Variants in PKHD1L1 observed in about 807,000 individuals in gnomAD.
PKHD1L1 encodes fibrocystin-L.
Under a neutral mutation model 462.9 loss-of-function variants are expected in PKHD1L1, and 434 were observed. That is an observed-to-expected ratio of 0.94 (90% confidence interval 0.87 to 1.02). The LOEUF (loss-of-function observed/expected upper bound fraction) is 1.02, where lower values mean the gene tolerates loss of function less well. Ranked by LOEUF, PKHD1L1 falls within the 50% of genes least tolerant of loss-of-function variation. The pLI, the probability that PKHD1L1 is intolerant of heterozygous loss-of-function variation, is 0.00. For synonymous variants in PKHD1L1, 1,781 were observed against 1,750.0 expected, an observed-to-expected ratio of 1.02 and a Z score of -0.44; for missense variants, 5,202 against 5,096.1, an observed-to-expected ratio of 1.02 and a Z score of -0.63.
intron 57 of PKHD1L1, 42 bp downstream of exon 57, chr8:109,483,147 T>C (rs1818355058): frequency 1.4e-6 from 2 of 1,390,578 alleles, no homozygotes; most frequent in East Asian, 5.3e-5. Flanking sequence ...ATATACACAG[T>C]GGGTCAGCTG....
rs780102395 is a variant in PKHD1L1 at position 109,382,509 on chromosome 8, G to A, written c.355G>A (p.Val119Ile). 3 of 1,612,508 alleles carry A rather than the reference G, an allele frequency of 1.9e-6. No individual in the cohort carries two copies. The highest frequency in any genetic ancestry group is 2.5e-6 in the Non-Finnish European group (3 of 1,179,106). The change falls in exon 4 of 78, where the codon GTT becomes ATT. Residue 119 changes from valine (V) to isoleucine (I), a missense_variant. Around this residue, in one of 3 missense-constraint regions of PKHD1L1, gnomAD observed 4,497 missense variants for 4,336.8 expected, o/e 1.04. Coordinates refer to ENST00000378402, the MANE Select transcript of PKHD1L1 (RefSeq NM_177531.6). ...CACTGTTAGAGTCAGTGTGGACGGGGTTCCTGTTACGGAAAATAACACCTG... is the reference window on the plus strand; with the variant it reads ...CACTGTTAGAGTCAGTGTGGACGGGATTCCTGTTACGGAAAATAACACCTG... ...SYTVRVSVDG[V>I]PVTENNTCKG...
chr8:109,413,477 CCAAGA>C lies in PKHD1L1; in HGVS notation c.2296_2300del (p.Asp766Ter). ...ATTATATTGGTCTAAAATTTCAGTA[CCAAGA>C]CAATAGCAAGATTACTAGAAGCACT... is the stretch of plus-strand genomic sequence containing the variant. On this transcript the variant is annotated frameshift_variant, in exon 21 of 78. Coordinates refer to ENST00000378402, the MANE Select transcript of PKHD1L1 (RefSeq NM_177531.6). LOFTEE classifies it high-confidence loss of function. The C allele has an allele frequency of 6.3e-7, 1 of 1,579,314 alleles. No homozygotes were observed. Among genetic ancestry groups the C allele is most frequent in the Non-Finnish European group, 8.6e-7 (1 of 1,161,052 alleles).
intron 55 of PKHD1L1, chr8:109,480,663 T>A (rs1818232495): frequency 2.2e-6 from 1 of 451,856 alleles, no homozygotes; most frequent in Non-Finnish European, 4.4e-6. Context: ...GATTGTCCTG[T>A]CAGTCTTGTA....
intron 2 of PKHD1L1, among the ~76,000 whole-genome samples, chr8:109,379,120 C>T (rs993547601): frequency 2.6e-5 from 4 of 152,138 alleles, no homozygotes; most frequent in African/African-American, 7.2e-5. Context: ...TGCTGAATAC[C>T]GGAACTGCCA....
intron 49 of PKHD1L1, 114 bp from the exon 50 acceptor site, chr8:109,466,454 ACAAAACTACC>A (rs1343281979): frequency 3.0e-6 from 3 of 1,012,186 alleles, no homozygotes; most frequent in Non-Finnish European, 2.7e-6. Context: ...AAGCAAACAA[ACAAAACTACC>A]CAGACTTTTA....
chr8:109,398,734 C>T (rs1813101753), intron 12 of PKHD1L1, among the ~76,000 whole-genome samples, 186 bp downstream of exon 12: 1 of 152,056 alleles, frequency 6.6e-6, no homozygotes, highest in Admixed American at 6.6e-5. Flanking sequence ...TGCCACAAAG[C>T]TGTACCTATG....
chr8:109,466,051 A>G (rs1817423773), intron 49 of PKHD1L1, among the ~76,000 whole-genome samples: 1 of 152,220 alleles, frequency 6.6e-6, no homozygotes, highest in Non-Finnish European at 1.5e-5. Context: ...GAAGGATGAA[A>G]GAAGATTCAT....
At chr8:109,524,825 C>CT (rs1820734095) in intron 76 of PKHD1L1, among the ~76,000 whole-genome samples, 1 of 149,418 alleles carries the variant, frequency 6.7e-6, no homozygotes, top group African/African-American at 2.5e-5. Flanking sequence ...TCCTTCCTTC[C>CT]TCCCTCCCTC....
At chr8:109,470,272 G>A (rs1186540024) in intron 50 of PKHD1L1, 1 of 1,442,594 alleles carries the variant, frequency 6.9e-7, no homozygotes, top group Admixed American at 1.7e-5. Flanking sequence ...CTGTGATCTG[G>A]AGTGTAGCCA....
At position 109,389,093 on chromosome 8, in the gene PKHD1L1, T is replaced by C. The variant is rs761623387; in HGVS notation, c.638T>C (p.Leu213Pro). 3 of 1,608,200 alleles carry C rather than the reference T, an allele frequency of 1.9e-6. No homozygotes were observed. In the African/African-American group the frequency reaches 4.0e-5, roughly 22 times the overall value. The change falls in exon 8 of 78, where the codon CTG (leucine) becomes CCG (proline). Residue 213 changes from leucine (L) to proline (P), a missense_variant. Physicochemically the swap from Leu to Pro is moderately conservative, Grantham distance 98. This residue lies in a region of PKHD1L1 where 4,497 missense variants were observed against 4,336.8 expected (regional missense o/e 1.04). Transcript: ENST00000378402. ...PQSDNLYGLK[L>P]DHPNGDMGSM... is the part of the protein sequence containing the mutation. ...TTTTTAATTAGATATGGTCTAAAAC[T>C]GGATCATCCAAATGGAGATATGGGT...
chr8:109,510,029 A>G (rs1402145367), intron 70 of PKHD1L1, among the ~76,000 whole-genome samples: 3 of 152,148 alleles, frequency 2.0e-5, no homozygotes, highest in Admixed American at 6.6e-5. Context: ...GTAGAAAAGC[A>G]TTCACTATCT....
At chr8:109,463,415 A>G (rs918740028) in intron 48 of PKHD1L1, among the ~76,000 whole-genome samples, 7 of 126,498 alleles carry the variant, frequency 5.5e-5, no homozygotes, top group South Asian at 3.4e-4. Context: ...TACATGTGAC[A>G]TCTCAAATAT....
At chr8:109,423,419 T>C (rs961841056) in intron 23 of PKHD1L1, among the ~76,000 whole-genome samples, 4 of 152,174 alleles carry the variant, frequency 2.6e-5, no homozygotes, top group Non-Finnish European at 5.9e-5. Context: ...ATTGGAACCT[T>C]TGTCAAAAAT....
At chr8:109,379,847 C>T (rs1053761607) in intron 2 of PKHD1L1, among the ~76,000 whole-genome samples, 9 of 152,084 alleles carry the variant, frequency 5.9e-5, no homozygotes, top group Non-Finnish European at 1.2e-4. Context: ...ATAATCAGTT[C>T]TAATTATCAT....
chr8:109,442,087 C>A lies in PKHD1L1; in HGVS notation c.4285C>A (p.His1429Asn). 6.2e-7 allele frequency: 1 copy of A among 1,613,528 alleles called. No homozygotes were observed. The highest frequency in any genetic ancestry group is 8.5e-7 in the Non-Finnish European group (1 of 1,179,592). Residue 1429 changes from histidine (H) to asparagine (N), a missense_variant, in exon 35 of 78, where the codon CAT becomes AAT. By Grantham distance (68) the His-to-Asn change is moderately conservative. Around this residue, in one of 3 missense-constraint regions of PKHD1L1, gnomAD observed 4,497 missense variants for 4,336.8 expected, o/e 1.04. Transcript: ENST00000378402. ...GDTVAWHWQT[H>N]PFLRGIGYRI... ...CACAGTGGCATGGCATTGGCAAACA[C>A]ATCCGTTTCTTAGAGGGATAGGATA...
At chr8:109,523,789 T>A (rs1820682484) in intron 76 of PKHD1L1, among the ~76,000 whole-genome samples, 1 of 152,186 alleles carries the variant, frequency 6.6e-6, no homozygotes, top group Admixed American at 6.5e-5. Flanking sequence ...TTGGCTGTGG[T>A]CTTTCTGAAA....
intron 72 of PKHD1L1, 40 bp from the exon 73 acceptor site, chr8:109,518,127 A>C: frequency 3.9e-6 from 5 of 1,267,066 alleles, no homozygotes; most frequent in Non-Finnish European, 5.5e-6. Flanking sequence ...TGATAATATA[A>C]AATACTTAGC....
intron 14 of PKHD1L1, among the ~76,000 whole-genome samples, chr8:109,403,677 A>T (rs969326794): frequency 6.6e-6 from 1 of 152,136 alleles, no homozygotes; most frequent in Non-Finnish European, 1.5e-5. Flanking sequence ...CCCAAATATC[A>T]GTTCCATTGG....
At chr8:109,505,166 A>T (rs765331189) in intron 68 of PKHD1L1, among the ~76,000 whole-genome samples, 2 of 152,146 alleles carry the variant, frequency 1.3e-5, no homozygotes, top group Non-Finnish European at 1.5e-5. Context: ...CTGGGATTAC[A>T]GGCAAGAGCC....
Sources: allele counts gnomAD v4.1 joint callset (sites outside exome capture counted in the v4.1 genomes callset), GRCh38; gene constraint gnomAD v4.1.1; regional missense constraint gnomAD v4.1.1; transcripts MANE v1.5; gene names NCBI Gene and HGNC (gene_info 2026-07-23, HGNC 2026-07-21).